Variants in ELP4 observed in about 807,000 individuals in gnomAD.
ELP4 encodes the protein elongator acetyltransferase complex subunit 4, also known as elongator complex protein 4.
In ELP4, 51 loss-of-function variants were observed where a neutral mutation model predicts 48.9. The observed-to-expected ratio is 1.04, with a 90% confidence interval of 0.83 to 1.32. The LOEUF (loss-of-function observed/expected upper bound fraction) is 1.32, where lower values mean the gene tolerates loss of function less well. Among genes scored for constraint, ELP4 ranks in the 40% most tolerant of loss-of-function variants. The pLI, the probability that ELP4 is intolerant of heterozygous loss-of-function variation, is 0.00. For synonymous variants in ELP4, 210 were observed against 189.2 expected (o/e 1.11, Z -0.90); for missense variants, 519 against 514.6 (o/e 1.01, Z -0.08).
intron 9 of ELP4, among the ~76,000 whole-genome samples, chr11:31,713,819 G>T (rs560478047): frequency 1.3e-5 from 2 of 152,198 alleles, no homozygotes; most frequent in South Asian, 4.1e-4. Context: ...AAACCCCTGT[G>T]GACCTATCAA....
At chr11:31,532,886 C>T (rs768506151) in intron 2 of ELP4, among the ~76,000 whole-genome samples, 7 of 151,420 alleles carry the variant, frequency 4.6e-5, no homozygotes, top group Non-Finnish European at 8.8e-5. Flanking sequence ...ATTCTCCTGC[C>T]TCAGCCTCCC....
intron 2 of ELP4, among the ~76,000 whole-genome samples, chr11:31,524,277 C>T (rs1956261510): frequency 6.6e-6 from 1 of 152,164 alleles, no homozygotes; most frequent in Non-Finnish European, 1.5e-5. Context: ...TAGGTGTCAG[C>T]CAGGGCTGAG....
intron 9 of ELP4, among the ~76,000 whole-genome samples, chr11:31,704,381 G>T (rs527694098): frequency 7.9e-5 from 12 of 151,934 alleles, no homozygotes; most frequent in Admixed American, 2.0e-4. Context: ...GCAAACTATC[G>T]CAAGAACAAA....
At chr11:31,579,283 G>T (rs192104080) in intron 3 of ELP4, among the ~76,000 whole-genome samples, 15 of 152,216 alleles carry the variant, frequency 9.9e-5, no homozygotes, top group African/African-American at 3.1e-4. Flanking sequence ...AGTCAGGAAA[G>T]AACAGGTGCT....
chr11:31,678,312 G>A (rs1199909417), intron 9 of ELP4, among the ~76,000 whole-genome samples: 1 of 152,036 alleles, frequency 6.6e-6, no homozygotes, highest in Non-Finnish European at 1.5e-5. Flanking sequence ...AGCCAGGTAT[G>A]GTGGTGTGCA....
chr11:31,540,931 C>T (rs1275860501), intron 3 of ELP4, among the ~76,000 whole-genome samples: 1 of 152,078 alleles, frequency 6.6e-6, no homozygotes, highest in African/African-American at 2.4e-5. Context: ...ATCTTTAAGC[C>T]AAAGCACACT....
chr11:31,592,261 A>G (rs896024007), intron 3 of ELP4, among the ~76,000 whole-genome samples: 1 of 152,114 alleles, frequency 6.6e-6, no homozygotes, highest in East Asian at 1.9e-4. Context: ...AAATATATAA[A>G]GAGTTGGGAG....
chr11:31,626,766 A>T (rs200805210), intron 5 of ELP4, among the ~76,000 whole-genome samples: 2 of 151,682 alleles, frequency 1.3e-5, no homozygotes, highest in African/African-American at 4.8e-5. Context: ...ATTATGTATG[A>T]TTACTCCTGA....
At chr11:31,761,316 C>A (rs144149840) in intron 9 of ELP4, among the ~76,000 whole-genome samples, 201 of 148,106 alleles carry the variant, frequency 1.4e-3, no homozygotes, top group African/African-American at 4.7e-3. Flanking sequence ...CCAGCCTGAG[C>A]AACAGAGCAA....
At chr11:31,623,985 G>C (rs954245337) in intron 5 of ELP4, among the ~76,000 whole-genome samples, 1 of 151,694 alleles carries the variant, frequency 6.6e-6, no homozygotes, top group Admixed American at 6.6e-5. Context: ...CATCATCAGG[G>C]AAATGTACAT....
intron 5 of ELP4, among the ~76,000 whole-genome samples, chr11:31,612,082 G>A (rs1253784709): frequency 2.0e-5 from 3 of 152,108 alleles, no homozygotes; most frequent in African/African-American, 7.2e-5. Context: ...TGTGAGCGAT[G>A]GAAAGAGCTA....
chr11:31,629,285 G>C (rs1176360012), intron 6 of ELP4, among the ~76,000 whole-genome samples: 1 of 151,872 alleles, frequency 6.6e-6, no homozygotes, highest in South Asian at 2.1e-4. Context: ...TTATTGTACA[G>C]CTACAAGGTT....
At chr11:31,705,953 A>T (rs773625316) in intron 9 of ELP4, among the ~76,000 whole-genome samples, 1 of 152,140 alleles carries the variant, frequency 6.6e-6, no homozygotes, top group Admixed American at 6.5e-5. Flanking sequence ...CCTAGGCTCA[A>T]GTGATCCTCC....
chr11:31,674,513 A>T (rs1032115492), intron 9 of ELP4, among the ~76,000 whole-genome samples: 1 of 152,212 alleles, frequency 6.6e-6, no homozygotes, highest in African/African-American at 2.4e-5. Context: ...TTTCCAACTA[A>T]TTTGAATAGA....
chr11:31,608,121 C>G (rs1373600558), intron 5 of ELP4, among the ~76,000 whole-genome samples: 1 of 151,618 alleles, frequency 6.6e-6, no homozygotes, highest in African/African-American at 2.4e-5. Flanking sequence ...CGGAGGGCCC[C>G]TTGGGAGGAA....
At position 31,749,221 on chromosome 11, in the gene ELP4, T is replaced by C. The variant is rs577354168; in HGVS notation, c.1144-34172T>C. Reference sequence around the variant, plus strand: ...TTAGTAAACATTACTGTGGAAGAAATGCACAGGACATATTCATGGAGGCAG... The same window carrying C: ...TTAGTAAACATTACTGTGGAAGAAACGCACAGGACATATTCATGGAGGCAG... On this transcript the variant is annotated intron_variant, in intron 9 of 9. Coordinates refer to ENST00000640961, the MANE Select transcript of ELP4 (RefSeq NM_019040.5). Among the ~76,000 whole-genome samples, 42 of 152,290 alleles carry C rather than the reference T, an allele frequency of 2.8e-4. 1 individual carries two copies. The South Asian group carries it at 8.3e-3, about 30-fold the overall frequency.
chr11:31,509,964 G>C lies in ELP4; in HGVS notation c.180G>C (p.Gln60His). 1 of 1,612,948 alleles carries C rather than the reference G, an allele frequency of 6.2e-7. No homozygotes were observed. Among genetic ancestry groups the C allele is most frequent in the Non-Finnish European group, 8.5e-7 (1 of 1,180,030 alleles). ...AGTRPSVRNG[Q>H]LLVSTGLPAL... is the part of the protein sequence containing the mutation. ...CGCGACCGTCGGTGCGGAATGGACAGCTGCTGGTATCAACCGGGCTCCCAG... is the reference window on the plus strand; with the variant it reads ...CGCGACCGTCGGTGCGGAATGGACACCTGCTGGTATCAACCGGGCTCCCAG... The change falls in exon 1 of 10, where the codon CAG (glutamine) becomes CAC (histidine). Residue 60 changes from glutamine to histidine, a missense_variant. Coordinates refer to ENST00000640961, the MANE Select transcript of ELP4 (RefSeq NM_019040.5).
chr11:31,544,585 C>T (rs1182635168), intron 3 of ELP4, among the ~76,000 whole-genome samples: 4 of 152,208 alleles, frequency 2.6e-5, no homozygotes, highest in South Asian at 4.1e-4. Context: ...CACAGACAAA[C>T]AAAAAGACAG....
intron 9 of ELP4, among the ~76,000 whole-genome samples, chr11:31,662,267 A>G (rs1364180040): frequency 6.6e-6 from 1 of 152,150 alleles, no homozygotes; most frequent in East Asian, 1.9e-4. Context: ...TACTATAAAC[A>G]TGAGCAATTT....
Sources: allele counts gnomAD v4.1 joint callset (sites outside exome capture counted in the v4.1 genomes callset), GRCh38; gene constraint gnomAD v4.1.1; transcripts MANE v1.5; gene names NCBI Gene and HGNC (gene_info 2026-07-23, HGNC 2026-07-21).